ALDH1A2: variants seen among roughly 807,000 people sequenced by gnomAD.
ALDH1A2 encodes aldehyde dehydrogenase 1 family member A2.
Under a neutral mutation model 60.3 loss-of-function variants are expected in ALDH1A2, and 27 were observed. The ratio of observed to expected loss-of-function variants is 0.45; its 90% CI spans 0.33 to 0.62. ALDH1A2 has a LOEUF of 0.62. Among genes scored for constraint, ALDH1A2 ranks in the 20% least tolerant of loss-of-function variants. ALDH1A2 has a pLI of 0.02. For missense variants in ALDH1A2, 581 were observed against 643.8 expected, an observed-to-expected ratio of 0.90 and a Z score of 1.06; for synonymous variants, 289 against 232.4, an observed-to-expected ratio of 1.24 and a Z score of -2.21.
chr15:58,019,246 G>A (rs902871693), intron 1 of ALDH1A2, among the ~76,000 whole-genome samples: 11 of 151,552 alleles, frequency 7.3e-5, no homozygotes, highest in Non-Finnish European at 1.5e-4. Flanking sequence ...GAAGAAACGA[G>A]GATTCAACAT....
At chr15:57,961,071 T>C (rs3784260) in intron 11 of ALDH1A2, 66 bp downstream of exon 11, 1 of 1,589,160 alleles carries the variant, frequency 6.3e-7, no homozygotes, top group Non-Finnish European at 8.6e-7. Context: ...AAGGAGATAC[T>C]TGTTTATTTC....
intron 7 of ALDH1A2, among the ~76,000 whole-genome samples, chr15:57,989,105 C>G (rs1894809202): frequency 6.6e-6 from 1 of 152,186 alleles, no homozygotes; most frequent in African/African-American, 2.4e-5. Context: ...GCCGAGATCA[C>G]GCCATTGCGC....
chr15:58,006,182 T>C (rs901890440), intron 4 of ALDH1A2, among the ~76,000 whole-genome samples: 3 of 151,824 alleles, frequency 2.0e-5, no homozygotes, highest in Non-Finnish European at 4.4e-5. Flanking sequence ...CCCACTCCCA[T>C]CCTTCCCCAA....
intron 9 of ALDH1A2, among the ~76,000 whole-genome samples, chr15:57,962,732 A>C (rs1430698400): frequency 1.3e-5 from 2 of 152,164 alleles, no homozygotes; most frequent in Admixed American, 6.5e-5. Flanking sequence ...GTCTTCCCCC[A>C]AAAAACTGAC....
rs1349147921 is a variant in ALDH1A2 at position 57,953,440 on chromosome 15, A to C, written c.*1757T>G. ...ACAATCCCAAGGAGTACACAATATAAATGCTTTATTGCTAGCACAGAGGTT... is the reference window on the plus strand; with the variant it reads ...ACAATCCCAAGGAGTACACAATATACATGCTTTATTGCTAGCACAGAGGTT... On this transcript the variant is annotated 3_prime_UTR_variant, in exon 13 of 13. Coordinates refer to ENST00000249750, the MANE Select transcript of ALDH1A2 (RefSeq NM_003888.4). The C allele has an allele frequency of 6.5e-6, 1 of 152,748 alleles. No individual in the cohort carries two copies. The highest frequency in any genetic ancestry group is 1.5e-5 in the Non-Finnish European group (1 of 68,042). 9.5% of individuals were successfully genotyped at this position (152,748 alleles called of 1,614,324 possible).
In ALDH1A2 at chr15:58,033,192, C is replaced by G. The variant is rs114704757; in HGVS notation, c.118-18911G>C. On this transcript the variant is annotated intron_variant, in intron 1 of 12. Coordinates refer to ENST00000249750, the MANE Select transcript of ALDH1A2 (RefSeq NM_003888.4). ...CCAGACTTGATTACCACATTATATT[C>G]ATGTAACACAACATCTCATTTACCC... is the stretch of plus-strand genomic sequence containing the variant. 2.0e-3 allele frequency among the ~76,000 whole-genome samples: 309 copies of G among 152,064 alleles called. 1 individual carries two copies. The highest frequency in any genetic ancestry group is 7.3e-3 in the African/African-American group (301 of 41,508).
rs1217931222 is a variant in ALDH1A2, at chr15:57,953,702, A to G, written c.*1495T>C. The G allele has an allele frequency of 6.6e-6, 1 of 152,398 alleles. No individual in the cohort carries two copies. The highest frequency in any genetic ancestry group is 2.4e-5 in the African/African-American group (1 of 41,456). 9.4% of individuals were successfully genotyped at this position (152,398 alleles called of 1,614,324 possible). On this transcript the variant is annotated 3_prime_UTR_variant, in exon 13 of 13. Transcript: ENST00000249750. ...GACTTTAAAACATCATGGATAGATA[A>G]GAGTTATAAATAGAAAACTGGTACG...
At chr15:58,027,211 G>C (rs1896104509) in intron 1 of ALDH1A2, among the ~76,000 whole-genome samples, 1 of 152,172 alleles carries the variant, frequency 6.6e-6, no homozygotes, top group Non-Finnish European at 1.5e-5. Context: ...TTGCTGTTCT[G>C]CATTATTTGC....
chr15:57,968,002 C>G (rs2140457358), intron 7 of ALDH1A2, among the ~76,000 whole-genome samples: 1 of 152,260 alleles, frequency 6.6e-6, no homozygotes, highest in Admixed American at 6.5e-5. Flanking sequence ...ACTGGGGAAA[C>G]AGCAATCCTC....
At chr15:58,058,219 C>A in intron 1 of ALDH1A2, 1 of 638,954 alleles carries the variant, frequency 1.6e-6, no homozygotes, top group Non-Finnish European at 2.8e-6. Context: ...AATCGTGCCA[C>A]TATCACACAC....
chr15:58,044,756 T>C (rs1896598209), intron 1 of ALDH1A2, among the ~76,000 whole-genome samples: 1 of 151,956 alleles, frequency 6.6e-6, no homozygotes, highest in South Asian at 2.1e-4. Flanking sequence ...AGGACTAAAT[T>C]TGAGGATTCA....
chr15:58,011,611 C>T (rs1275853511), intron 3 of ALDH1A2, among the ~76,000 whole-genome samples: 1 of 152,028 alleles, frequency 6.6e-6, no homozygotes, highest in Admixed American at 6.6e-5. Context: ...ATAAGACATA[C>T]TGGTGTGAAA....
At chr15:58,016,211 C>T (rs1895785553) in intron 1 of ALDH1A2, among the ~76,000 whole-genome samples, 1 of 150,780 alleles carries the variant, frequency 6.6e-6, no homozygotes, top group Admixed American at 6.6e-5. Flanking sequence ...CACTCAATCT[C>T]AGCTCAATGC....
At chr15:58,043,094 T>A (rs1308328557) in intron 1 of ALDH1A2, among the ~76,000 whole-genome samples, 1 of 151,948 alleles carries the variant, frequency 6.6e-6, no homozygotes, top group Non-Finnish European at 1.5e-5. Context: ...GCTAAGTATG[T>A]GGCAAGTCAC....
At chr15:58,046,954 G>T (rs1341704269) in intron 1 of ALDH1A2, among the ~76,000 whole-genome samples, 2 of 152,040 alleles carry the variant, frequency 1.3e-5, no homozygotes, top group African/African-American at 4.8e-5. Context: ...GCTGGATAAA[G>T]ATTCAAAACA....
At chr15:57,955,893 T>TATCTA (rs774987380) in intron 12 of ALDH1A2, among the ~76,000 whole-genome samples, 1 of 152,172 alleles carries the variant, frequency 6.6e-6, no homozygotes, top group Admixed American at 6.5e-5. Flanking sequence ...TTTTTCCCCT[T>TATCTA]ATCTAATCTA....
chr15:58,042,906 G>A (rs1394260441), intron 1 of ALDH1A2, among the ~76,000 whole-genome samples: 2 of 151,904 alleles, frequency 1.3e-5, no homozygotes, highest in African/African-American at 4.8e-5. Context: ...TTGAATTGCA[G>A]TCTTCTCACC....
intron 1 of ALDH1A2, among the ~76,000 whole-genome samples, chr15:58,064,703 A>T (rs941149485): frequency 1.3e-5 from 2 of 152,218 alleles, no homozygotes; most frequent in African/African-American, 4.8e-5. Flanking sequence ...TTGTAACATT[A>T]CAATACCCCT....
At chr15:57,987,898 A>G (rs1406773053) in intron 7 of ALDH1A2, among the ~76,000 whole-genome samples, 2 of 151,910 alleles carry the variant, frequency 1.3e-5, no homozygotes, top group African/African-American at 4.8e-5. Context: ...AAAAAAAAAA[A>G]AAGGTGAAGA....
Sources: allele counts gnomAD v4.1 joint callset (sites outside exome capture counted in the v4.1 genomes callset), GRCh38; gene constraint gnomAD v4.1.1; transcripts MANE v1.5; gene names NCBI Gene and HGNC (gene_info 2026-07-23, HGNC 2026-07-21).